LPA: variants seen among roughly 807,000 people sequenced by gnomAD.
The protein encoded by LPA is lipoprotein(a).
In LPA, 199 loss-of-function variants were observed where a neutral mutation model predicts 197.9. That is an observed-to-expected ratio of 1.01 (90% confidence interval 0.90 to 1.13). The LOEUF is 1.13. LPA is among the 50% of genes most tolerant of loss of function. LPA has a pLI of 0.00. For missense variants in LPA, 1,853 were observed against 1,785.8 expected, an observed-to-expected ratio of 1.04 and a Z score of -0.68; for synonymous variants, 715 against 639.5, an observed-to-expected ratio of 1.12 and a Z score of -1.78.
At chr6:160,656,451 C>T (rs1780134649) in intron 1 of LPA, among the ~76,000 whole-genome samples, 2 of 152,192 alleles carry the variant, frequency 1.3e-5, no homozygotes, top group African/African-American at 2.4e-5. Context: ...CAGGGACCCA[C>T]TGGAACCACT....
chr6:160,635,587 C>T (rs1348372157), intron 6 of LPA, among the ~76,000 whole-genome samples: 6 of 124,538 alleles, frequency 4.8e-5, no homozygotes, highest in African/African-American at 9.9e-5. Context: ...GGCCGAAAAA[C>T]GATCAGAGTA....
chr6:160,541,055 A>C, intron 35 of LPA, 52 bp downstream of exon 35: 1 of 1,449,006 alleles, frequency 6.9e-7, no homozygotes, highest in Non-Finnish European at 9.7e-7. Context: ...GAAGAGAGGG[A>C]GGAAAAAAGT....
chr6:160,596,399 T>A (rs1403873605), intron 20 of LPA, among the ~76,000 whole-genome samples: 2 of 152,134 alleles, frequency 1.3e-5, no homozygotes, highest in Non-Finnish European at 2.9e-5. Context: ...TTTGCTTTTT[T>A]TTTTTTTCTT....
At chr6:160,539,875 A>T (rs971617969) in intron 36 of LPA, among the ~76,000 whole-genome samples, 168 bp downstream of exon 36, 3 of 152,124 alleles carry the variant, frequency 2.0e-5, no homozygotes, top group Non-Finnish European at 4.4e-5. Context: ...CACAACTAAC[A>T]TGTGGCAGGG....
chr6:160,647,502 C>T (rs1779917637), intron 2 of LPA, among the ~76,000 whole-genome samples: 2 of 152,176 alleles, frequency 1.3e-5, no homozygotes, highest in Admixed American at 1.3e-4. Context: ...TTCCAGGAAG[C>T]TCATTCAATG....
intron 28 of LPA, among the ~76,000 whole-genome samples, chr6:160,559,098 A>G (rs1778320109): frequency 6.6e-6 from 1 of 152,132 alleles, no homozygotes; most frequent in South Asian, 2.1e-4. Context: ...CAACACCTAT[A>G]CCTGTGGAGC....
chr6:160,567,148 T>G (rs886511651), intron 28 of LPA, among the ~76,000 whole-genome samples: 1 of 152,222 alleles, frequency 6.6e-6, no homozygotes, highest in East Asian at 1.9e-4. Flanking sequence ...GCAGACCTAA[T>G]AGACATCTAC....
chr6:160,600,305 C>A (rs559397531), intron 19 of LPA, among the ~76,000 whole-genome samples: 3 of 152,208 alleles, frequency 2.0e-5, no homozygotes, highest in East Asian at 1.9e-4. Context: ...TTCTCCAGAC[C>A]CCCCGCAGGT....
At chr6:160,579,619 G>A (rs1583593259) in intron 26 of LPA, among the ~76,000 whole-genome samples, 2 of 152,192 alleles carry the variant, frequency 1.3e-5, no homozygotes, top group African/African-American at 4.8e-5. Flanking sequence ...AGGAATCTTG[G>A]AGAATGCCTT....
intron 26 of LPA, among the ~76,000 whole-genome samples, chr6:160,582,693 A>T (rs534172905): frequency 6.6e-6 from 1 of 152,206 alleles, no homozygotes; most frequent in Non-Finnish European, 1.5e-5. Flanking sequence ...AAAATCCTAT[A>T]TCTGATCCAT....
intron 16 of LPA, among the ~76,000 whole-genome samples, chr6:160,610,307 G>A (rs1287507969): frequency 6.6e-6 from 1 of 152,114 alleles, no homozygotes; most frequent in African/African-American, 2.4e-5. Context: ...CCCATTTGAT[G>A]CTTGGACACT....
chr6:160,592,247 G>C (rs41272060), intron 22 of LPA, among the ~76,000 whole-genome samples: 6,165 of 152,254 alleles, frequency 0.04, 402 homozygotes, highest in African/African-American at 0.14. Flanking sequence ...GTGTCTGTCT[G>C]TCTGTCTTGT....
chr6:160,596,952 A>C (rs2115050704), intron 20 of LPA, among the ~76,000 whole-genome samples: 1 of 152,284 alleles, frequency 6.6e-6, no homozygotes, highest in South Asian at 2.1e-4. Flanking sequence ...GAGTATTTTG[A>C]AATGCACCGT....
At chr6:160,553,954 T>TGTGTGTGTGTGTGTGTGTGTGTGCGC (rs771903485) in intron 30 of LPA, among the ~76,000 whole-genome samples, 136 of 130,802 alleles carry the variant, frequency 1.0e-3, no homozygotes, top group Middle Eastern at 3.8e-3. Context: ...TGTGTGTGTG[T>TGTGTGTGTGTGTGTGTGTGTGTGCGC]GCGCGCGCGC....
chr6:160,600,214 G>A (rs1189471883), intron 19 of LPA, among the ~76,000 whole-genome samples: 2 of 152,164 alleles, frequency 1.3e-5, no homozygotes, highest in Non-Finnish European at 1.5e-5. Flanking sequence ...GAGGCCAAAA[G>A]CTTATCACCT....
chr6:160,610,241 G>C (rs1407611699), intron 16 of LPA, among the ~76,000 whole-genome samples: 1 of 152,086 alleles, frequency 6.6e-6, no homozygotes, highest in Admixed American at 6.5e-5. Flanking sequence ...TGACTTTGTT[G>C]TTTACTTCTG....
In LPA at chr6:160,531,799, T is replaced by A; in HGVS notation, c.6053A>T (p.Asn2018Ile). Residue 2018 changes from asparagine (N) to isoleucine (I), a missense_variant, in exon 39 of 39, where the codon AAT (asparagine) becomes ATT (isoleucine). Physicochemically the swap from Asn to Ile is moderately radical, Grantham distance 149. This residue lies in a region of LPA where 1,737 missense variants were observed against 1,504.4 expected (regional missense o/e 1.15). Coordinates refer to ENST00000316300, the MANE Select transcript of LPA (RefSeq NM_005577.4). ...AACACGAGCATAGACACCAGGCTTA[T>A]TGGGGCGTGCACAGCCAAGACCCCA... ...TSWGLGCARP[N>I]KPGVYARVSR... is the part of the protein sequence containing the mutation. 1 of 1,614,144 alleles carries A rather than the reference T, an allele frequency of 6.2e-7. No homozygotes were observed. The highest frequency in any genetic ancestry group is 8.5e-7 in the Non-Finnish European group (1 of 1,180,004).
intron 28 of LPA, among the ~76,000 whole-genome samples, chr6:160,570,406 G>A (rs1228422413): frequency 3.9e-5 from 6 of 152,100 alleles, no homozygotes; most frequent in South Asian, 2.1e-4. Flanking sequence ...AACACCGAAT[G>A]TTCTCACTCA....
intron 36 of LPA, 117 bp from the exon 37 acceptor site, chr6:160,538,078 C>A: frequency 1.2e-6 from 1 of 808,944 alleles, no homozygotes; most frequent in Non-Finnish European, 2.1e-6. Context: ...TGCCTTGCTT[C>A]ACTGACACAG....
Sources: allele counts gnomAD v4.1 joint callset (sites outside exome capture counted in the v4.1 genomes callset), GRCh38; gene constraint gnomAD v4.1.1; regional missense constraint gnomAD v4.1.1; transcripts MANE v1.5; gene names NCBI Gene and HGNC (gene_info 2026-07-23, HGNC 2026-07-21).